The following SPOP variants were observed in gnomAD, a reference collection of about 807,000 sequenced individuals.
SPOP encodes speckle type BTB/POZ protein, also known as speckle-type POZ protein.
Under a neutral mutation model 45.6 loss-of-function variants are expected in SPOP, and 11 were observed. That is an observed-to-expected ratio of 0.24 (90% confidence interval 0.15 to 0.40). The LOEUF is 0.40. SPOP is among the 10% of genes least tolerant of loss of function. SPOP has a pLI of 1.00. For missense variants in SPOP, 152 were observed against 465.6 expected (o/e 0.33, Z 6.20); for synonymous variants, 166 against 166.3 (o/e 1.00, Z 0.01).
intron 8 of SPOP, among the ~76,000 whole-genome samples, chr17:49,605,208 AT>A (rs1318983631): frequency 6.6e-6 from 1 of 152,256 alleles, no homozygotes; most frequent in African/African-American, 2.4e-5. Context: ...TTATTCTACT[AT>A]TAAGCTATTA....
chr17:49,647,609 T>C (rs554513142), intron 1 of SPOP, among the ~76,000 whole-genome samples: 135 of 152,060 alleles, frequency 8.9e-4, no homozygotes, highest in Non-Finnish European at 1.5e-3. Context: ...GCCTCCCGAG[T>C]AGCTGGGATT....
Position 49,607,305 on chromosome 17 carries a change from C to G in SPOP, c.782G>C (p.Gly261Ala). ...FKEMMCFIYT[G>A]KAPNLDKMAD... ...CATTTTGTCGAGGTTTGGAGCCTTC[C>G]CCGTGTAAATGAAGCACATCATTTC... Residue 261 changes from glycine (G) to alanine (A), a missense_variant, in exon 8 of 10, where the codon GGG becomes GCG. Transcript: ENST00000504102. The G allele has an allele frequency of 6.2e-7, 1 of 1,614,086 alleles. No individual in the cohort carries two copies. Among genetic ancestry groups the G allele is most frequent in the South Asian group, 1.1e-5 (1 of 91,080 alleles).
chr17:49,635,536 T>C (rs1456873955), intron 1 of SPOP, among the ~76,000 whole-genome samples: 2 of 152,040 alleles, frequency 1.3e-5, no homozygotes, highest in African/African-American at 4.8e-5. Flanking sequence ...CAGAGAGATA[T>C]GAGCTCCAAG....
At chr17:49,621,118 C>T (rs138747362) in intron 3 of SPOP, among the ~76,000 whole-genome samples, 1 of 152,326 alleles carries the variant, frequency 6.6e-6, no homozygotes, top group Non-Finnish European at 1.5e-5. Flanking sequence ...CAAGATGACA[C>T]ATAGTCTGAA....
chr17:49,602,585 G>A (rs1210413521), intron 8 of SPOP, among the ~76,000 whole-genome samples: 3 of 152,184 alleles, frequency 2.0e-5, no homozygotes, highest in African/African-American at 4.8e-5. Flanking sequence ...ATCAGGTTGT[G>A]AAAAGGAGCC....
At chr17:49,611,490 T>C in intron 5 of SPOP, 33 bp from the exon 6 acceptor site, 1 of 1,600,678 alleles carries the variant, frequency 6.2e-7, no homozygotes, top group Non-Finnish European at 8.5e-7. Flanking sequence ...AGCCAAGCTT[T>C]TGTTACCAGG....
intron 8 of SPOP, among the ~76,000 whole-genome samples, chr17:49,603,423 T>C (rs2071776746): frequency 6.6e-6 from 1 of 152,340 alleles, no homozygotes; most frequent in South Asian, 2.1e-4. Flanking sequence ...TATTGCATAA[T>C]TAGACAAAAG....
At chr17:49,620,336 T>C (rs768121253) in intron 3 of SPOP, among the ~76,000 whole-genome samples, 22 of 150,892 alleles carry the variant, frequency 1.5e-4, no homozygotes, top group Admixed American at 9.2e-4. Context: ...GGCGTGCTAG[T>C]GGGCACCTGT....
intron 1 of SPOP, among the ~76,000 whole-genome samples, chr17:49,625,672 T>TAA (rs200609930): frequency 2.0e-5 from 3 of 151,944 alleles, no homozygotes; most frequent in African/African-American, 7.2e-5. Flanking sequence ...ACAGAGCTAA[T>TAA]AAAAAAAAGC....
chr17:49,635,997 GTTTGTT>G lies in SPOP; in HGVS notation c.-66-13127_-66-13122del, dbSNP rs898782602. Among the ~76,000 whole-genome samples the G allele has an allele frequency of 1.5e-4, 22 of 151,658 alleles. No individual in the cohort carries two copies. In the East Asian group the frequency reaches 1.6e-3, roughly 11 times the overall value. On this transcript the variant is annotated intron_variant, in intron 1 of 9. Transcript: ENST00000504102. Reference sequence around the variant, plus strand: ...CCTGAAGGTCTTTTATGTTTTTTCTGTTTGTTTTTGTTTTTGTTTTAGACAAGGTCT... The same window carrying G: ...CCTGAAGGTCTTTTATGTTTTTTCTGTTTGTTTTTGTTTTAGACAAGGTCT...
At position 49,647,476 on chromosome 17, in the gene SPOP, A is replaced by T. The variant is rs564813790; in HGVS notation, c.-66-24600T>A. Among the ~76,000 whole-genome samples the T allele has an allele frequency of 1.3e-3, 199 of 151,676 alleles. 1 individual carries two copies. The highest frequency in any genetic ancestry group is 3.4e-3 in the Middle Eastern group (1 of 294). On this transcript the variant is annotated intron_variant, in intron 1 of 9. Transcript: ENST00000504102. ...TGTTGTAATTATTTTTATTTTTTTT[A>T]AATTTTTTTATTTCTTGAGATGGAG...
At chr17:49,617,381 G>A (rs930694937) in intron 5 of SPOP, among the ~76,000 whole-genome samples, 12 of 152,126 alleles carry the variant, frequency 7.9e-5, no homozygotes, top group African/African-American at 2.9e-4. Context: ...TCTTCATTCA[G>A]GCAACTGAGT....
chr17:49,638,162 G>C (rs2072577140), intron 1 of SPOP, among the ~76,000 whole-genome samples: 1 of 152,234 alleles, frequency 6.6e-6, no homozygotes, highest in Non-Finnish European at 1.5e-5. Flanking sequence ...CTACAAAGTA[G>C]CTCAAAACAG....
Position 49,678,064 on chromosome 17 carries a change from C to T in SPOP, c.-198G>A. On this transcript the variant is annotated 5_prime_UTR_variant, in exon 1 of 10. It adds an upstream start codon to the 5' untranslated region. Coordinates refer to ENST00000504102, the MANE Select transcript of SPOP (RefSeq NM_001007228.2). ...CTCGGAGCGCGCACACTCACACACACACATACACACCGACACACACCAGCC... is the reference window on the plus strand; with the variant it reads ...CTCGGAGCGCGCACACTCACACACATACATACACACCGACACACACCAGCC... 2.5e-6 allele frequency: 1 copy of T among 399,318 alleles called. No homozygotes were observed. The highest frequency in any genetic ancestry group is 4.4e-6 in the Non-Finnish European group (1 of 226,414). 24.7% of individuals were successfully genotyped at this position (399,318 alleles called of 1,614,324 possible).
intron 1 of SPOP, among the ~76,000 whole-genome samples, chr17:49,674,957 C>T (rs1037403955): frequency 6.6e-6 from 1 of 152,140 alleles, no homozygotes; most frequent in Non-Finnish European, 1.5e-5. Flanking sequence ...TAACAAACTA[C>T]ATAATGAGCT....
intron 1 of SPOP, among the ~76,000 whole-genome samples, chr17:49,640,709 A>G (rs942171147): frequency 4.6e-5 from 7 of 152,188 alleles, no homozygotes; most frequent in Non-Finnish European, 8.8e-5. Flanking sequence ...ACAATGGCCA[A>G]AAGGGTCCTG....
At chr17:49,614,802 AGTGTGTGTGTGTGTGTGTGTGTGTGT>A (rs60134980) in intron 5 of SPOP, among the ~76,000 whole-genome samples, 3 of 146,978 alleles carry the variant, frequency 2.0e-5, no homozygotes, top group African/African-American at 7.6e-5. Flanking sequence ...CATGCTATGA[AGTGTGTGTGTGTGTGTGTGTGTGTGT>A]GTGTGTGTGT....
rs2071708994 is a variant in SPOP, at chr17:49,599,960, C to A, written c.*418G>T. The A allele has an allele frequency of 4.3e-6, 1 of 230,480 alleles. No homozygotes were observed. Among genetic ancestry groups the A allele is most frequent in the Non-Finnish European group, 8.6e-6 (1 of 116,166 alleles). The allele number at this position is 230,480 out of a possible 1,614,324, so 14.3% of individuals were successfully genotyped here. On this transcript the variant is annotated 3_prime_UTR_variant, in exon 10 of 10. Coordinates refer to ENST00000504102, the MANE Select transcript of SPOP (RefSeq NM_001007228.2). ...GATTTTTGAGAAATTCTGCAAAAATCTTTTCTTCTTTCCTTTTCCCTTCTG... is the reference window on the plus strand; with the variant it reads ...GATTTTTGAGAAATTCTGCAAAAATATTTTCTTCTTTCCTTTTCCCTTCTG...
intron 1 of SPOP, among the ~76,000 whole-genome samples, chr17:49,667,327 C>T (rs1254327093): frequency 2.7e-5 from 4 of 149,486 alleles, no homozygotes; most frequent in Middle Eastern, 3.7e-3. Context: ...CGGTGGCTCA[C>T]GCCTATAATC....
Sources: allele counts gnomAD v4.1 joint callset (sites outside exome capture counted in the v4.1 genomes callset), GRCh38; gene constraint gnomAD v4.1.1; transcripts MANE v1.5; gene names NCBI Gene and HGNC (gene_info 2026-07-23, HGNC 2026-07-21).